The following GRID1 variants were observed in gnomAD, a reference collection of about 807,000 sequenced individuals.
GRID1 encodes the protein glutamate ionotropic receptor delta type subunit 1.
Under a neutral mutation model 98.0 loss-of-function variants are expected in GRID1, and 28 were observed. The observed-to-expected ratio is 0.29, with a 90% CI of 0.21 to 0.39. The LOEUF (loss-of-function observed/expected upper bound fraction) is 0.39, where lower values mean the gene tolerates loss of function less well. Among genes scored for constraint, GRID1 ranks in the 10% least tolerant of loss-of-function variants. The pLI, the probability that GRID1 is intolerant of heterozygous loss-of-function variation, is 1.00. For synonymous variants in GRID1, 553 were observed against 538.5 expected, an observed-to-expected ratio of 1.03 and a Z score of -0.37; for missense variants, 1,111 against 1,340.5, an observed-to-expected ratio of 0.83 and a Z score of 2.67.
intron 14 of GRID1, among the ~76,000 whole-genome samples, chr10:85,619,284 T>C (rs1842829692): frequency 6.6e-6 from 1 of 152,220 alleles, no homozygotes; most frequent in Non-Finnish European, 1.5e-5. Flanking sequence ...CAGCATCTCC[T>C]TGGACCAGGA....
chr10:86,315,050 C>A (rs2353276), intron 2 of GRID1, among the ~76,000 whole-genome samples: 4 of 152,094 alleles, frequency 2.6e-5, no homozygotes, highest in Non-Finnish European at 4.4e-5. Flanking sequence ...GTGCCGCACC[C>A]AGTTCAGAGC....
chr10:85,817,922 ATGAAAGGCAT>A (rs1842730613), intron 8 of GRID1, among the ~76,000 whole-genome samples: 1 of 152,200 alleles, frequency 6.6e-6, no homozygotes, highest in Admixed American at 6.5e-5. Flanking sequence ...TGTAGCACAA[ATGAAAGGCAT>A]AACCTCACTG....
chr10:86,050,274 T>C (rs770307283), intron 4 of GRID1, among the ~76,000 whole-genome samples: 1 of 152,254 alleles, frequency 6.6e-6, no homozygotes, highest in Non-Finnish European at 1.5e-5. Context: ...CTACTTGGAA[T>C]TTACAATGCT....
chr10:85,881,537 T>C (rs1294914484), intron 5 of GRID1, among the ~76,000 whole-genome samples: 1 of 152,212 alleles, frequency 6.6e-6, no homozygotes, highest in Non-Finnish European at 1.5e-5. Context: ...GATTCCCTAT[T>C]TAATAAATGG....
intron 3 of GRID1, among the ~76,000 whole-genome samples, chr10:86,156,450 T>C (rs956062451): frequency 2.0e-5 from 3 of 152,098 alleles, no homozygotes; most frequent in Admixed American, 6.6e-5. Context: ...ACAAAGCTGG[T>C]AGGAGACTCA....
At chr10:86,342,138 G>A (rs760009062) in intron 2 of GRID1, among the ~76,000 whole-genome samples, 1 of 152,168 alleles carries the variant, frequency 6.6e-6, no homozygotes, top group Non-Finnish European at 1.5e-5. Context: ...CACTGTTGAA[G>A]GACCCTCAGT....
intron 2 of GRID1, among the ~76,000 whole-genome samples, chr10:86,254,961 A>G (rs1243952410): frequency 6.6e-6 from 1 of 152,206 alleles, no homozygotes; most frequent in Non-Finnish European, 1.5e-5. Flanking sequence ...CCCTGGAGAA[A>G]GCCACATGAG....
At chr10:85,972,332 A>G (rs1842419032) in intron 4 of GRID1, among the ~76,000 whole-genome samples, 1 of 151,538 alleles carries the variant, frequency 6.6e-6, no homozygotes, top group South Asian at 2.1e-4. Flanking sequence ...AAAATGAAAC[A>G]ACCCTAATGG....
At chr10:85,857,056 T>C (rs906824130) in intron 6 of GRID1, among the ~76,000 whole-genome samples, 21 of 152,164 alleles carry the variant, frequency 1.4e-4, no homozygotes, top group African/African-American at 4.8e-4. Context: ...CGGACACGCC[T>C]AGGGTGAATG....
chr10:85,714,406 T>TC (rs1841615844), intron 12 of GRID1, among the ~76,000 whole-genome samples: 1 of 151,714 alleles, frequency 6.6e-6, no homozygotes, highest in Non-Finnish European at 1.5e-5. Context: ...ACCTAAAAGT[T>TC]TTTTTTTAAA....
intron 8 of GRID1, among the ~76,000 whole-genome samples, chr10:85,766,331 T>G (rs545190219): frequency 1.4e-4 from 22 of 152,058 alleles, no homozygotes; most frequent in South Asian, 8.3e-4. Flanking sequence ...ATAGAAAATT[T>G]AAAAATTAGC....
intron 2 of GRID1, among the ~76,000 whole-genome samples, chr10:86,235,610 T>C (rs910898658): frequency 6.6e-6 from 1 of 152,232 alleles, no homozygotes; most frequent in African/African-American, 2.4e-5. Flanking sequence ...AGTTTTGCCT[T>C]TTTTGGAAAT....
At position 85,854,500 on chromosome 10, in the gene GRID1, C is replaced by T. The variant is rs570660703; in HGVS notation, c.1229G>A (p.Arg410His). ...GACAGGGAGCCTGAGGCTTACCTTG[C>T]GCATGTCTTTGCCAAAAGTCTCACT... Reference protein sequence around the residue: ...TYSETFGKDMRKLATWDSEKG... With the variant: ...TYSETFGKDMHKLATWDSEKG... Residue 410 changes from arginine to histidine, a missense_variant, in exon 8 of 16, where the codon CGC (arginine) becomes CAC (histidine). Coordinates refer to ENST00000327946, the MANE Select transcript of GRID1 (RefSeq NM_017551.3). 88 of 1,613,564 alleles carry T rather than the reference C, an allele frequency of 5.5e-5. No individual in the cohort carries two copies. The highest frequency in any genetic ancestry group is 5.0e-4 in the Middle Eastern group (3 of 6,056).
intron 4 of GRID1, among the ~76,000 whole-genome samples, chr10:86,135,321 T>C (rs1286844749): frequency 6.6e-6 from 1 of 152,182 alleles, no homozygotes; most frequent in Non-Finnish European, 1.5e-5. Flanking sequence ...CACACTCACA[T>C]GGAGGGCTCC....
At chr10:85,721,034 G>T (rs1277894957) in intron 12 of GRID1, among the ~76,000 whole-genome samples, 2 of 151,946 alleles carry the variant, frequency 1.3e-5, no homozygotes, top group Non-Finnish European at 2.9e-5. Context: ...ATTTAGAAAA[G>T]ATAAAAACAG....
chr10:86,160,648 T>C (rs1048890052), intron 3 of GRID1, among the ~76,000 whole-genome samples: 3 of 152,128 alleles, frequency 2.0e-5, no homozygotes, highest in Admixed American at 6.5e-5. Flanking sequence ...CCCAGTGCCA[T>C]AGGAAGAAGG....
intron 8 of GRID1, among the ~76,000 whole-genome samples, chr10:85,745,444 C>T (rs1395272181): frequency 8.5e-6 from 1 of 118,322 alleles, no homozygotes; most frequent in East Asian, 2.3e-4. Context: ...AAATTGGAAA[C>T]CATCATTCTC....
At chr10:85,720,209 A>C (rs1841684609) in intron 12 of GRID1, among the ~76,000 whole-genome samples, 2 of 152,210 alleles carry the variant, frequency 1.3e-5, no homozygotes, top group African/African-American at 2.4e-5. Context: ...TTAATTATTA[A>C]ATGGGAAAAT....
rs1360405781 is a variant in GRID1 at position 85,724,260 on chromosome 10, G to A, written c.1858+92C>T. ...GATTAAGTAAAATTGCATTTGGAAT[G>A]ACTTTGGTAAAATGCACCTGAGAAC... is the stretch of plus-strand genomic sequence containing the variant. On this transcript the variant is annotated intron_variant, in intron 11 of 15. Transcript: ENST00000327946. 6 of 926,404 alleles carry A rather than the reference G, an allele frequency of 6.5e-6. No individual in the cohort carries two copies. The African/African-American group carries it at 1.0e-4, about 15-fold the overall frequency. 57.4% of individuals were successfully genotyped at this position (926,404 alleles called of 1,614,324 possible).
Sources: gnomAD v4.1 joint callset for allele counts (sites outside exome capture counted in the v4.1 genomes callset) on GRCh38, gnomAD v4.1.1 for gene constraint, MANE v1.5 for transcripts, NCBI Gene and HGNC (gene_info 2026-07-23, HGNC 2026-07-21) for gene names.